HERC2: variants seen among roughly 807,000 people sequenced by gnomAD.
HERC2 encodes E3 ubiquitin-protein ligase HERC2.
HERC2 carries 102 observed loss-of-function variants against 537.7 expected under a neutral mutation model. The observed-to-expected ratio is 0.19, with a 90% CI of 0.16 to 0.22. The LOEUF (loss-of-function observed/expected upper bound fraction) is 0.22, where lower values mean the gene tolerates loss of function less well. HERC2 is among the 10% of genes least tolerant of loss of function. The pLI is 1.00. For synonymous variants in HERC2, 2,224 were observed against 2,466.2 expected, an observed-to-expected ratio of 0.90 and a Z score of 2.91; for missense variants, 4,236 against 6,198.2, an observed-to-expected ratio of 0.68 and a Z score of 10.63.
intron 3 of HERC2, among the ~76,000 whole-genome samples, chr15:28,294,487 G>A (rs1295173548): frequency 2.0e-5 from 3 of 149,388 alleles, no homozygotes; most frequent in Non-Finnish European, 3.0e-5. Flanking sequence ...TAAATATTAC[G>A]TGCTGCCTTG....
intron 39 of HERC2, 125 bp downstream of exon 39, chr15:28,215,496 T>C (rs999692020): frequency 1.5e-6 from 1 of 660,878 alleles, no homozygotes; most frequent in Non-Finnish European, 2.6e-6. Context: ...CCAGAAAATC[T>C]ACCCTGTCAC....
At chr15:28,119,601 C>T (rs746703528) in intron 86 of HERC2, among the ~76,000 whole-genome samples, 24 of 151,724 alleles carry the variant, frequency 1.6e-4, no homozygotes, top group Non-Finnish European at 3.2e-4. Flanking sequence ...CTACAGGCAC[C>T]CACCACCACA....
At chr15:28,275,671 T>C (rs2075852735) in intron 5 of HERC2, among the ~76,000 whole-genome samples, 1 of 151,852 alleles carries the variant, frequency 6.6e-6, no homozygotes, top group Non-Finnish European at 1.5e-5. Context: ...AAAATGCATA[T>C]ATAGGGGAGG....
intron 21 of HERC2, among the ~76,000 whole-genome samples, chr15:28,247,421 C>CTTTTTTTTTTTTTTTTTTTTTTTTTTT (rs71132843): frequency 2.6e-5 from 2 of 76,188 alleles, no homozygotes; most frequent in Non-Finnish European, 2.3e-5. Context: ...CTACATGGTT[C>CTTTTTTTTTTTTTTTTTTTTTTTTTTT]TTTTTTTTTT....
chr15:28,176,956 G>A lies in HERC2; in HGVS notation c.9426C>T (p.Pro3142=). The A allele has an allele frequency of 6.2e-7, 1 of 1,611,020 alleles. No homozygotes were observed. Among genetic ancestry groups the A allele is most frequent in the Non-Finnish European group, 8.5e-7 (1 of 1,178,042 alleles). ...GHGDNTTQLK[P]KMVKVLLGHR... Reference sequence around the variant, plus strand: ...CAAAAATGCGTATAATCACCATTTTGGGCTTTAGCTGTGTCGTATTATCCC... The same window carrying A: ...CAAAAATGCGTATAATCACCATTTTAGGCTTTAGCTGTGTCGTATTATCCC... Residue 3142 remains proline, a synonymous_variant, in exon 61 of 93, where the codon CCC becomes CCT. Coordinates refer to ENST00000261609, the MANE Select transcript of HERC2 (RefSeq NM_004667.6). The surrounding 1 kb of genome is among the most constrained non-coding windows in gnomAD (Gnocchi z 5.0).
chr15:28,212,127 C>T (rs542913782), intron 43 of HERC2, among the ~76,000 whole-genome samples: 2 of 152,240 alleles, frequency 1.3e-5, no homozygotes, highest in South Asian at 4.2e-4. Context: ...GGTGACTGGG[C>T]CACAGGGCCC....
intron 3 of HERC2, among the ~76,000 whole-genome samples, chr15:28,295,891 C>A (rs2076455909): frequency 6.6e-6 from 1 of 152,084 alleles, no homozygotes; most frequent in Admixed American, 6.6e-5. Context: ...ATGGCTATGA[C>A]AGAGACCATA....
chr15:28,129,780 CTTTTTTTTTT>C, intron 83 of HERC2, among the ~76,000 whole-genome samples: 1 of 143,532 alleles, frequency 7.0e-6, no homozygotes, highest in Middle Eastern at 3.8e-3. Context: ...CCTCTGCCTC[CTTTTTTTTTT>C]TTTTTTTGAG....
In HERC2 at chr15:28,268,833, G is replaced by A. The variant is rs1013684218; in HGVS notation, c.1447-217C>T. Among the ~76,000 whole-genome samples, 1 of 152,132 alleles carries A rather than the reference G, an allele frequency of 6.6e-6. No individual in the cohort carries two copies. Among genetic ancestry groups the A allele is most frequent in the Admixed American group, 6.6e-5 (1 of 15,266 alleles). On this transcript the variant is annotated intron_variant, in intron 11 of 92. Coordinates refer to ENST00000261609, the MANE Select transcript of HERC2 (RefSeq NM_004667.6). This position sits in a 1 kb window ranked among gnomAD's most constrained non-coding sequence, Gnocchi z 4.7. ...AGTGCTCTGCAGCAAGACCAGAGCC[G>A]ATGCAGGGGCAGGGCAGGCTAGCCC...
intron 23 of HERC2, among the ~76,000 whole-genome samples, chr15:28,240,075 AT>A (rs1902902365): frequency 6.6e-6 from 1 of 152,098 alleles, no homozygotes; most frequent in Non-Finnish European, 1.5e-5. Flanking sequence ...AATCCTTATC[AT>A]TAAGAGGTAA....
At chr15:28,156,546 G>T (rs549696223) in intron 69 of HERC2, among the ~76,000 whole-genome samples, 1 of 151,822 alleles carries the variant, frequency 6.6e-6, no homozygotes, top group South Asian at 2.1e-4. Context: ...TCATTATTTT[G>T]CTGTTTGTCT....
intron 3 of HERC2, among the ~76,000 whole-genome samples, chr15:28,297,641 A>C (rs191782844): frequency 6.6e-6 from 1 of 152,322 alleles, no homozygotes; most frequent in East Asian, 1.9e-4. Context: ...CCATGTATGG[A>C]GTTCTAGAAC....
At position 28,176,145 on chromosome 15, in the gene HERC2, G is replaced by C. The variant is rs1180469610; in HGVS notation, c.9686+283C>G. The stretch of plus-strand genomic sequence containing the variant: ...GCTATTTTGCTCCATTTTATCCTTA[G>C]GCTTCAGCAGAAGAAACCGTTCCCA... On this transcript the variant is annotated intron_variant, in intron 63 of 92. Coordinates refer to ENST00000261609, the MANE Select transcript of HERC2 (RefSeq NM_004667.6). This position sits in a 1 kb window ranked among gnomAD's most constrained non-coding sequence, Gnocchi z 5.0. Among the ~76,000 whole-genome samples the C allele has an allele frequency of 6.6e-6, 1 of 152,186 alleles. No individual in the cohort carries two copies. The highest frequency in any genetic ancestry group is 2.4e-5 in the African/African-American group (1 of 41,434).
intron 44 of HERC2, among the ~76,000 whole-genome samples, chr15:28,208,783 G>T (rs1252720263): frequency 1.3e-5 from 2 of 152,174 alleles, no homozygotes; most frequent in Non-Finnish European, 1.5e-5. Flanking sequence ...TTCAAAGGCT[G>T]CCCGTCCAGT....
In HERC2 at chr15:28,255,873, T is replaced by C. The variant is rs1423835791; in HGVS notation, c.2870A>G (p.Gln957Arg). 1 of 1,599,172 alleles carries C rather than the reference T, an allele frequency of 6.3e-7. No homozygotes were observed. The highest frequency in any genetic ancestry group is 2.2e-5 in the East Asian group (1 of 44,882). Reference protein sequence around the residue: ...ALHAAITAEIQDIEAKKEAQK... With the variant: ...ALHAAITAEIRDIEAKKEAQK... Reference sequence around the variant, plus strand: ...TCACGTGTGCCTCCAAAGCCATACCTGGATCTCTGCAGTAATGGCTGCGTG... The same window carrying C: ...TCACGTGTGCCTCCAAAGCCATACCCGGATCTCTGCAGTAATGGCTGCGTG... The change falls in exon 19 of 93, where the codon CAG (glutamine) becomes CGG (arginine). Residue 957 changes from glutamine (Q) to arginine (R), a missense_variant and splice_region_variant. By Grantham distance (43) the Gln-to-Arg change is conservative. This residue lies in a region of HERC2 where 754 missense variants were observed against 1,085.0 expected (regional missense o/e 0.69). Transcript: ENST00000261609.
intron 4 of HERC2, among the ~76,000 whole-genome samples, chr15:28,284,436 A>T (rs2076100567): frequency 2.0e-5 from 3 of 152,308 alleles, no homozygotes; most frequent in Non-Finnish European, 2.9e-5. Flanking sequence ...GTCTAAATGC[A>T]TCAATTAAAA....
At chr15:28,292,196 T>A (rs1463519821) in intron 4 of HERC2, among the ~76,000 whole-genome samples, 1 of 117,584 alleles carries the variant, frequency 8.5e-6, no homozygotes, top group Non-Finnish European at 1.6e-5. Context: ...ACCACTGCAC[T>A]CCAGCCTGGG....
rs765243004 is a variant in HERC2 at position 28,125,053 on chromosome 15, C to T, written c.12943G>A (p.Ala4315Thr). The T allele has an allele frequency of 3.7e-6, 6 of 1,609,904 alleles. No individual in the cohort carries two copies. The South Asian group carries it at 4.4e-5, about 12-fold the overall frequency. Residue 4315 changes from alanine to threonine, a missense_variant, in exon 84 of 93, where the codon GCC becomes ACC. Coordinates refer to ENST00000261609, the MANE Select transcript of HERC2 (RefSeq NM_004667.6). ...CTGGCGGGCTTGCTGGTCGACCAGGCGAGGGTATGTGCTGAGCCACAGGCC... is the reference window on the plus strand; with the variant it reads ...CTGGCGGGCTTGCTGGTCGACCAGGTGAGGGTATGTGCTGAGCCACAGGCC... ...RVACGSAHTL[A>T]WSTSKPASAG...
rs1891727307 is a variant in HERC2 at position 28,146,284 on chromosome 15, G to C, written c.10961C>G (p.Pro3654Arg). ...GTTGACGCCGTCCATGACTGTGAGA[G>C]GGTCGTGGCGCCTCTCTGTGGAGCA... ...RQCSTERRHD[P>R]LTVMDGVNRI... The change falls in exon 71 of 93, where the codon CCT becomes CGT. Residue 3654 changes from proline (P) to arginine (R), a missense_variant. This residue lies in a region of HERC2 where 356 missense variants were observed against 450.9 expected (regional missense o/e 0.79). Coordinates refer to ENST00000261609, the MANE Select transcript of HERC2 (RefSeq NM_004667.6). The C allele has an allele frequency of 2.5e-6, 4 of 1,613,966 alleles. No individual in the cohort carries two copies.
Sources: gnomAD v4.1 joint callset for allele counts (sites outside exome capture counted in the v4.1 genomes callset) on GRCh38, gnomAD v4.1.1 for gene constraint, gnomAD v4.1.1 regional missense constraint, Gnocchi (gnomAD v3.1) non-coding constraint, MANE v1.5 for transcripts, NCBI Gene and HGNC (gene_info 2026-07-23, HGNC 2026-07-21) for gene names.